DSCAML1: variants seen among roughly 807,000 people sequenced by gnomAD.
DSCAML1 encodes the protein DS cell adhesion molecule like 1.
DSCAML1 carries 38 observed loss-of-function variants against 200.5 expected under a neutral mutation model. The observed-to-expected ratio is 0.19, with a 90% CI of 0.15 to 0.25. The LOEUF is 0.25. Among genes scored for constraint, DSCAML1 ranks in the 10% least tolerant of loss-of-function variants. The pLI, the probability that DSCAML1 is intolerant of heterozygous loss-of-function variation, is 1.00. For missense variants in DSCAML1, 2,223 were observed against 2,858.8 expected (o/e 0.78, Z 5.07); for synonymous variants, 1,215 against 1,165.0 (o/e 1.04, Z -0.87).
At chr11:117,776,195 G>C (rs1163264448) in intron 3 of DSCAML1, among the ~76,000 whole-genome samples, 1 of 152,166 alleles carries the variant, frequency 6.6e-6, no homozygotes, top group Non-Finnish European at 1.5e-5. Flanking sequence ...CACGGCAGCT[G>C]TGATGAGATG....
intron 3 of DSCAML1, among the ~76,000 whole-genome samples, chr11:117,733,182 C>T (rs947910614): frequency 2.0e-5 from 3 of 152,092 alleles, no homozygotes; most frequent in Non-Finnish European, 4.4e-5. Flanking sequence ...CCCTGCACAT[C>T]CCGGAAGACC....
At position 117,518,328 on chromosome 11, in the gene DSCAML1, G is replaced by A. The variant is rs905796590; in HGVS notation, c.1510+138C>T. The A allele has an allele frequency of 4.6e-5, 54 of 1,183,138 alleles. No individual in the cohort carries two copies. Among genetic ancestry groups the A allele is most frequent in the Non-Finnish European group, 5.6e-5 (46 of 821,326 alleles). The allele number at this position is 1,183,138 out of a possible 1,614,324, so 73.3% of individuals were successfully genotyped here. ...CTTGAGGAGGGCAGGAAAAGGGGAC[G>A]AGAGAGGGGAGAGAGACCTCTACTA... On this transcript the variant is annotated intron_variant, in intron 7 of 32. Transcript: ENST00000651296. This position sits in a 1 kb window ranked among gnomAD's most constrained non-coding sequence, Gnocchi z 6.3.
Position 117,780,545 on chromosome 11 carries a change from G to T in DSCAML1, c.312C>A (p.Thr104=). ...GGATCTTGCCGGCAGCGTTCTCCGC[G>T]GTGCAGAAGTAGTCATTGTCGTGGA... ...SFIHDNDYFC[T]AENAAGKIRS... The change falls in exon 2 of 33, where the codon ACC becomes ACA. Residue 104 remains threonine (T), a synonymous_variant. Coordinates refer to ENST00000651296, the MANE Select transcript of DSCAML1 (RefSeq NM_020693.4). This position sits in a 1 kb window ranked among gnomAD's most constrained non-coding sequence, Gnocchi z 4.8. The T allele has an allele frequency of 6.7e-7, 1 of 1,485,990 alleles. No individual in the cohort carries two copies. Among genetic ancestry groups the T allele is most frequent in the South Asian group, 1.4e-5 (1 of 71,796 alleles). The allele number at this position is 1,485,990 out of a possible 1,614,324, so 92.1% of individuals were successfully genotyped here.
chr11:117,632,615 A>T (rs2052198298), intron 3 of DSCAML1, among the ~76,000 whole-genome samples: 1 of 152,174 alleles, frequency 6.6e-6, no homozygotes, highest in African/African-American at 2.4e-5. Context: ...GCCGTAGTAG[A>T]CTTGCTTTGA....
At chr11:117,805,065 T>C (rs2055698143) in intron 1 of DSCAML1, among the ~76,000 whole-genome samples, 1 of 152,228 alleles carries the variant, frequency 6.6e-6, no homozygotes, top group African/African-American at 2.4e-5. Context: ...TTGTTGGATT[T>C]CCTGGGCTGA....
intron 3 of DSCAML1, among the ~76,000 whole-genome samples, chr11:117,721,891 C>T (rs1364211060): frequency 6.6e-6 from 1 of 150,664 alleles, no homozygotes; most frequent in African/African-American, 2.4e-5. Context: ...CTGAAGGCTC[C>T]GTATATTACA....
chr11:117,528,478 G>A (rs1592699802), intron 4 of DSCAML1, among the ~76,000 whole-genome samples: 1 of 152,328 alleles, frequency 6.6e-6, no homozygotes, highest in South Asian at 2.1e-4. Flanking sequence ...GCAGGGCTGG[G>A]GGAGACAGAT....
intron 3 of DSCAML1, among the ~76,000 whole-genome samples, chr11:117,588,277 A>G (rs2051189685): frequency 6.6e-6 from 1 of 152,084 alleles, no homozygotes; most frequent in Non-Finnish European, 1.5e-5. Context: ...AGCCGTGCCC[A>G]TGACTCCTCC....
chr11:117,604,938 G>C, intron 3 of DSCAML1, among the ~76,000 whole-genome samples: 1 of 152,202 alleles, frequency 6.6e-6, no homozygotes, highest in East Asian at 1.9e-4. Context: ...CACACAGGCT[G>C]TCTGTTGGCT....
At chr11:117,733,401 C>T (rs2054259838) in intron 3 of DSCAML1, among the ~76,000 whole-genome samples, 1 of 152,148 alleles carries the variant, frequency 6.6e-6, no homozygotes, top group African/African-American at 2.4e-5. Flanking sequence ...CCTCTATCTG[C>T]ATGGATTTTT....
intron 6 of DSCAML1, among the ~76,000 whole-genome samples, chr11:117,519,880 A>C (rs1169046418): frequency 1.3e-5 from 2 of 152,168 alleles, no homozygotes; most frequent in African/African-American, 4.8e-5. Context: ...CGGGGTGAGG[A>C]ATGAGGGCTT....
At chr11:117,486,414 C>T (rs1438518291) in intron 11 of DSCAML1, among the ~76,000 whole-genome samples, 4 of 148,908 alleles carry the variant, frequency 2.7e-5, no homozygotes, top group East Asian at 3.9e-4. Context: ...GGGAAAGTGG[C>T]GGATGTGAAA....
chr11:117,766,884 GGAA>G (rs760528856), intron 3 of DSCAML1, among the ~76,000 whole-genome samples: 18 of 152,224 alleles, frequency 1.2e-4, no homozygotes, highest in Middle Eastern at 6.8e-3. Context: ...CTGGGATATT[GGAA>G]GAAGTTCTAG....
intron 3 of DSCAML1, among the ~76,000 whole-genome samples, chr11:117,753,014 G>A (rs1402983122): frequency 6.6e-6 from 1 of 152,174 alleles, no homozygotes; most frequent in Non-Finnish European, 1.5e-5. Context: ...GAGTGGTGGG[G>A]ACACAGCAAG....
At position 117,498,825 on chromosome 11, in the gene DSCAML1, T is replaced by G. The variant is rs2049342142; in HGVS notation, c.2359+5020A>C. ...TCGCTGAGGGCACTGGGACCTTATT[T>G]TAATTGGTCTGACATTTTGCTAAAC... On this transcript the variant is annotated intron_variant, in intron 11 of 32. Transcript: ENST00000651296. The surrounding 1 kb of genome is among the most constrained non-coding windows in gnomAD (Gnocchi z 4.0). Among the ~76,000 whole-genome samples, 1 of 152,202 alleles carries G rather than the reference T, an allele frequency of 6.6e-6. No homozygotes were observed. Among genetic ancestry groups the G allele is most frequent in the Admixed American group, 6.5e-5 (1 of 15,282 alleles).
At chr11:117,582,147 T>C (rs1348042323) in intron 3 of DSCAML1, among the ~76,000 whole-genome samples, 4 of 152,264 alleles carry the variant, frequency 2.6e-5, no homozygotes, top group African/African-American at 9.6e-5. Flanking sequence ...GTTTCATTTA[T>C]TGTCAGAATC....
At chr11:117,770,823 T>C (rs1236088402) in intron 3 of DSCAML1, among the ~76,000 whole-genome samples, 1 of 152,178 alleles carries the variant, frequency 6.6e-6, no homozygotes, top group Non-Finnish European at 1.5e-5. Flanking sequence ...AAAGACATCA[T>C]GGAAAAAGTA....
intron 4 of DSCAML1, among the ~76,000 whole-genome samples, chr11:117,529,768 G>T (rs1565768630): frequency 6.6e-6 from 1 of 151,974 alleles, no homozygotes; most frequent in Non-Finnish European, 1.5e-5. Context: ...CTGCCTCTCT[G>T]TGGGGACTGA....
intron 3 of DSCAML1, among the ~76,000 whole-genome samples, chr11:117,689,901 CAT>C (rs1256876329): frequency 6.6e-6 from 1 of 152,036 alleles, no homozygotes; most frequent in Non-Finnish European, 1.5e-5. Flanking sequence ...CCAATAATAA[CAT>C]AACTGCAGAG....
Sources: gnomAD v4.1 joint callset for allele counts (sites outside exome capture counted in the v4.1 genomes callset) on GRCh38, gnomAD v4.1.1 for gene constraint, Gnocchi (gnomAD v3.1) non-coding constraint, MANE v1.5 for transcripts, NCBI Gene and HGNC (gene_info 2026-07-23, HGNC 2026-07-21) for gene names.